PANK2: variants seen among roughly 807,000 people sequenced by gnomAD.
The protein encoded by PANK2 is pantothenate kinase 2, mitochondrial.
A neutral mutation model predicts 43.1 loss-of-function variants in PANK2; 36 were observed. That is an observed-to-expected ratio of 0.84 (90% CI 0.64 to 1.10). PANK2 has a LOEUF of 1.10. Among genes scored for constraint, PANK2 ranks in the 50% least tolerant of loss-of-function variants. The pLI, the probability that PANK2 is intolerant of heterozygous loss-of-function variation, is 0.00. For synonymous variants in PANK2, 281 were observed against 238.2 expected (o/e 1.18, Z -1.66); for missense variants, 576 against 593.3 (o/e 0.97, Z 0.30).
Position 3,927,220 on chromosome 20 carries a change from TACTC to T in PANK2, c.*3929_*3932del, listed in dbSNP as rs1297168924. On this transcript the variant is annotated 3_prime_UTR_variant, in exon 7 of 7. Coordinates refer to ENST00000610179, the MANE Select transcript of PANK2 (RefSeq NM_001386393.1). ...TACTAGTTACCAGCTCTGATAGAAT[TACTC>T]ACCTTGAGTTTCCAAGTCTTGCTGA... The T allele has an allele frequency of 2.6e-5, 4 of 152,218 alleles. No individual in the cohort carries two copies. Among genetic ancestry groups the T allele is most frequent in the South Asian group, 2.1e-4 (1 of 4,836 alleles). The allele number at this position is 152,218 out of a possible 1,614,324, so 9.4% of individuals were successfully genotyped here. A position where few individuals can be genotyped will look rare whatever the true frequency, so the allele number is the denominator to read the frequency against.
rs2090751803 is a variant in PANK2, at chr20:3,928,019, C to T, written c.*4725C>T. ...GCCCCTCTTTTTCTTCTGATATCCC[C>T]ACTCAAATGGAAGCACACTCCCCAG... On this transcript the variant is annotated 3_prime_UTR_variant, in exon 7 of 7. Coordinates refer to ENST00000610179, the MANE Select transcript of PANK2 (RefSeq NM_001386393.1). 1 of 152,172 alleles carries T rather than the reference C, an allele frequency of 6.6e-6. No homozygotes were observed. The highest frequency in any genetic ancestry group is 1.5e-5 in the Non-Finnish European group (1 of 68,042). The allele number at this position is 152,172 out of a possible 1,614,324, so 9.4% of individuals were successfully genotyped here.
At chr20:3,916,171 G>C (rs560605785) in intron 4 of PANK2, among the ~76,000 whole-genome samples, 8 of 152,260 alleles carry the variant, frequency 5.3e-5, no homozygotes, top group African/African-American at 1.9e-4. Flanking sequence ...ACTTTTGTTA[G>C]ATATATCCGT....
chr20:3,890,397 AT>A (rs1425800296), intron 1 of PANK2, among the ~76,000 whole-genome samples: 2 of 152,010 alleles, frequency 1.3e-5, no homozygotes, highest in Non-Finnish European at 2.9e-5. Flanking sequence ...ATCTTTCTGA[AT>A]TTTGCCTTGG....
intron 1 of PANK2, 165 bp downstream of exon 1, chr20:3,889,893 T>C: frequency 1.3e-6 from 2 of 1,532,424 alleles, no homozygotes; most frequent in Non-Finnish European, 1.7e-6. Flanking sequence ...CCTCGGGTGC[T>C]CCGAAAGCGG....
intron 1 of PANK2, among the ~76,000 whole-genome samples, chr20:3,902,690 G>A (rs2090321144): frequency 6.6e-6 from 1 of 151,406 alleles, no homozygotes. Context: ...CAAAATGCTA[G>A]GATTACAGGT....
intron 4 of PANK2, 143 bp downstream of exon 4, chr20:3,912,777 C>G (rs954211309): frequency 3.0e-5 from 26 of 859,580 alleles, no homozygotes; most frequent in Non-Finnish European, 4.6e-5. Flanking sequence ...TAGTGTAACC[C>G]TGTCTCTACT....
At chr20:3,902,578 C>T (rs1488127008) in intron 1 of PANK2, among the ~76,000 whole-genome samples, 1 of 107,800 alleles carries the variant, frequency 9.3e-6, no homozygotes, top group Non-Finnish European at 1.9e-5. Flanking sequence ...CGCACCTGGC[C>T]TAGTTTTTTT....
At chr20:3,908,815 C>G (rs1051437413) in intron 2 of PANK2, 13 of 163,648 alleles carry the variant, frequency 7.9e-5, no homozygotes, top group African/African-American at 3.1e-4. Context: ...GTGCTGCACA[C>G]TTAACTGGAG....
At position 3,916,978 on chromosome 20, in the gene PANK2, C is replaced by A. The variant is rs147714872; in HGVS notation, c.1134C>A (p.Asp378Glu). ...AGCGAGAGGCTGTCAGTAAAGAGGA[C>A]CTGGCCAGAGCGACTTTGATCACCA... Residue 378 changes from aspartate (D) to glutamate (E), a missense_variant, in exon 5 of 7, where the codon GAC (aspartate) becomes GAA (glutamate). This residue lies in a region of PANK2 where 544 missense variants were observed against 528.9 expected (regional missense o/e 1.03). Transcript: ENST00000610179. The A allele has an allele frequency of 1.9e-6, 3 of 1,613,880 alleles. No homozygotes were observed. The highest frequency in any genetic ancestry group is 1.7e-6 in the Non-Finnish European group (2 of 1,180,008).
chr20:3,915,436 C>T (rs2090543618), intron 4 of PANK2, among the ~76,000 whole-genome samples: 1 of 152,002 alleles, frequency 6.6e-6, no homozygotes, highest in African/African-American at 2.4e-5. Flanking sequence ...GTAGCTGGGA[C>T]TACAGTGCGT....
intron 4 of PANK2, among the ~76,000 whole-genome samples, chr20:3,915,906 A>C (rs566357734): frequency 1.7e-4 from 26 of 152,328 alleles, no homozygotes; most frequent in Non-Finnish European, 3.5e-4. Flanking sequence ...GAAGTAAGAA[A>C]GTGTGAGTCA....
upstream of PANK2, chr20:3,889,097 G>T (rs561953057): frequency 4.3e-5 from 66 of 1,539,924 alleles, no homozygotes; most frequent in Middle Eastern, 1.6e-3. Context: ...GAAGGAGGGG[G>T]TGGATGAGGA....
chr20:3,889,057 G>A (rs546468641), upstream of PANK2: 7 of 1,468,058 alleles, frequency 4.8e-6, no homozygotes, highest in African/African-American at 4.2e-5. Context: ...CGCGGCCCGG[G>A]GGGGCAGAGG....
rs1281841050 is a variant in PANK2 at position 3,889,418 on chromosome 20, A to G, written c.-13A>G. 7 of 1,570,518 alleles carry G rather than the reference A, an allele frequency of 4.5e-6. No individual in the cohort carries two copies. Among genetic ancestry groups the G allele is most frequent in the East Asian group, 4.7e-5 (2 of 42,836 alleles). On this transcript the variant is annotated 5_prime_UTR_variant, in exon 1 of 7. Transcript: ENST00000610179. ...GCTGGACTGCCGCGGAGGAGGCGAG[A>G]AGGAATCCGACGCTGGGGGGCTTGC...
chr20:3,896,281 T>C (rs1238084353), intron 1 of PANK2, among the ~76,000 whole-genome samples: 4 of 149,680 alleles, frequency 2.7e-5, no homozygotes, highest in African/African-American at 9.9e-5. Flanking sequence ...GGTTTCACCA[T>C]GTTAGCCAGG....
rs1555789256 is a variant in PANK2 at position 3,915,281 on chromosome 20, A to ATG, written c.1083-1634_1083-1633dup. ...TTATAGTTTTAGCTCATATATATAT[A>ATG]TGTGTGTGTGTGTATTTTTTTCTTT... On this transcript the variant is annotated intron_variant, in intron 4 of 6. Transcript: ENST00000610179. Among the ~76,000 whole-genome samples, 16 of 151,728 alleles carry ATG rather than the reference A, an allele frequency of 1.1e-4. No homozygotes were observed. In the South Asian group the frequency reaches 1.2e-3, roughly 12 times the overall value.
chr20:3,909,958 A>G (rs949671119), intron 2 of PANK2, among the ~76,000 whole-genome samples: 76 of 152,136 alleles, frequency 5.0e-4, no homozygotes, highest in African/African-American at 1.8e-3. Context: ...TCATTCCTTT[A>G]TTATTTAAAT....
At chr20:3,893,231 C>G (rs962477481) in intron 1 of PANK2, among the ~76,000 whole-genome samples, 1 of 152,038 alleles carries the variant, frequency 6.6e-6, no homozygotes, top group Non-Finnish European at 1.5e-5. Context: ...GGTTTTGATT[C>G]CTGGTGTCTT....
At chr20:3,896,638 AG>A (rs2146827985) in intron 1 of PANK2, among the ~76,000 whole-genome samples, 1 of 152,164 alleles carries the variant, frequency 6.6e-6, no homozygotes, top group African/African-American at 2.4e-5. Flanking sequence ...GTTGATCACC[AG>A]TGGACAGTGA....
Sources: gnomAD v4.1 joint callset for allele counts (sites outside exome capture counted in the v4.1 genomes callset) on GRCh38, gnomAD v4.1.1 for gene constraint, gnomAD v4.1.1 regional missense constraint, MANE v1.5 for transcripts, NCBI Gene and HGNC (gene_info 2026-07-23, HGNC 2026-07-21) for gene names.